Variants in LPIN1 observed in about 807,000 individuals in gnomAD.
The protein encoded by LPIN1 is phosphatidate phosphatase LPIN1.
In LPIN1, 71 loss-of-function variants were observed where a neutral mutation model predicts 107.5. The ratio of observed to expected loss-of-function variants is 0.66; its 90% confidence interval spans 0.55 to 0.80. The LOEUF is 0.80. Among genes scored for constraint, LPIN1 ranks in the 30% least tolerant of loss-of-function variants. The pLI is 0.00. For missense variants in LPIN1, 1,043 were observed against 1,160.6 expected, an observed-to-expected ratio of 0.90 and a Z score of 1.47; for synonymous variants, 445 against 452.6, an observed-to-expected ratio of 0.98 and a Z score of 0.21.
At chr2:11,816,695 T>G (rs1680632321) in intron 18 of LPIN1, 2 of 151,472 alleles carry the variant, frequency 1.3e-5, no homozygotes, top group Admixed American at 1.3e-4. Flanking sequence ...TCCTGTGGAG[T>G]TCTCTAGAAT....
rs754899623 is a variant in LPIN1 at position 11,771,555 on chromosome 2, A to C, written c.472A>C (p.Arg158=). ...SSSVVKKRRK[R]RRKSQLDSLK... is the part of the protein sequence containing the mutation. ...CTCTGTAGTAAAGAAGAGAAGAAAA[A>C]GGAGGAGAAAGTCACAGCTGGACAG... Residue 158 remains arginine (R), a synonymous_variant, in exon 4 of 21, where the codon AGG becomes CGG. Coordinates refer to ENST00000674199, the MANE Select transcript of LPIN1 (RefSeq NM_001349206.2). This position sits in a 1 kb window ranked among gnomAD's most constrained non-coding sequence, Gnocchi z 4.8. 2 of 1,613,948 alleles carry C rather than the reference A, an allele frequency of 1.2e-6. No homozygotes were observed. The highest frequency in any genetic ancestry group is 1.7e-6 in the Non-Finnish European group (2 of 1,179,980).
In LPIN1 at chr2:11,786,949, G is replaced by T; in HGVS notation, c.1550-125G>T. 1.4e-6 allele frequency: 1 copy of T among 734,926 alleles called. No homozygotes were observed. The highest frequency in any genetic ancestry group is 2.5e-6 in the Non-Finnish European group (1 of 402,520). The allele number at this position is 734,926 out of a possible 1,614,324, so 45.5% of individuals were successfully genotyped here. A position where few individuals can be genotyped will look rare whatever the true frequency, so the allele number is the denominator to read the frequency against. Reference sequence around the variant, plus strand: ...CTTTACAAATACATTTTATAGGATTGTCTGCACAGTTGGAATGCACAAACT... The same window carrying T: ...CTTTACAAATACATTTTATAGGATTTTCTGCACAGTTGGAATGCACAAACT... On this transcript the variant is annotated intron_variant, in intron 10 of 20. Transcript: ENST00000674199. The surrounding 1 kb of genome is among the most constrained non-coding windows in gnomAD (Gnocchi z 4.1).
At position 11,826,263 on chromosome 2, in the gene LPIN1, A is replaced by G. The variant is rs1404916763; in HGVS notation, c.*1472A>G. The G allele has an allele frequency of 6.6e-6, 1 of 152,642 alleles. No homozygotes were observed. Among genetic ancestry groups the G allele is most frequent in the East Asian group, 1.9e-4 (1 of 5,194 alleles). The allele number at this position is 152,642 out of a possible 1,614,324, so 9.5% of individuals were successfully genotyped here. A position where few individuals can be genotyped will look rare whatever the true frequency, so the allele number is the denominator to read the frequency against. On this transcript the variant is annotated 3_prime_UTR_variant, in exon 21 of 21. Coordinates refer to ENST00000674199, the MANE Select transcript of LPIN1 (RefSeq NM_001349206.2). ...ACTCTTTCTGTGAAAGAAAATCCACAGAGTTGTTGCCTCCGTTGTAGTTGG... is the reference window on the plus strand; with the variant it reads ...ACTCTTTCTGTGAAAGAAAATCCACGGAGTTGTTGCCTCCGTTGTAGTTGG...
rs190956686 is a variant in LPIN1 at position 11,763,555 on chromosome 2, G to A, written c.-9-1978G>A. On this transcript the variant is annotated intron_variant, in intron 1 of 20. Transcript: ENST00000674199. ...CTCCTTTCCAGGCGGGGAAGGAATCGTTTCTCTCCTAGTCTTCCTGCCGTC... is the reference window on the plus strand; with the variant it reads ...CTCCTTTCCAGGCGGGGAAGGAATCATTTCTCTCCTAGTCTTCCTGCCGTC... Among the ~76,000 whole-genome samples the A allele has an allele frequency of 3.9e-5, 6 of 152,184 alleles. No homozygotes were observed. In the East Asian group the frequency reaches 9.7e-4, roughly 25 times the overall value.
Position 11,785,031 on chromosome 2 carries a change from A to G in LPIN1, c.1504A>G (p.Ile502Val), listed in dbSNP as rs1674286487. ...DGLRDLPSIA[I>V]SLCGGLSDHR... ...GCTGAGGGACCTCCCTTCCATCGCC[A>G]TCTCCCTCTGCGGGGGCCTCAGCGA... The change falls in exon 10 of 21, where the codon ATC (isoleucine) becomes GTC (valine). Residue 502 changes from isoleucine to valine, a missense_variant. Ile to Val is a conservative substitution (Grantham distance 29). Transcript: ENST00000674199. The G allele has an allele frequency of 6.2e-7, 1 of 1,606,474 alleles. No individual in the cohort carries two copies. The highest frequency in any genetic ancestry group is 1.1e-5 in the South Asian group (1 of 90,580).
At chr2:11,693,583 A>G (rs1214359785) in intron 1 of LPIN1, among the ~76,000 whole-genome samples, 1 of 151,712 alleles carries the variant, frequency 6.6e-6, no homozygotes, top group African/African-American at 2.4e-5. Flanking sequence ...ATCTGAAACT[A>G]TCCCTACCAT....
intron 1 of LPIN1, among the ~76,000 whole-genome samples, chr2:11,750,951 G>A (rs1375439182): frequency 1.3e-5 from 2 of 152,242 alleles, no homozygotes; most frequent in Non-Finnish European, 2.9e-5. Context: ...GCTCTTGAAA[G>A]TGCGTAGAGA....
At chr2:11,726,644 CAT>C (rs1366103505) in intron 1 of LPIN1, among the ~76,000 whole-genome samples, 5 of 152,144 alleles carry the variant, frequency 3.3e-5, no homozygotes, top group African/African-American at 1.2e-4. Flanking sequence ...CTTTAGCAAT[CAT>C]GTGATAGTAG....
At chr2:11,704,424 A>T (rs754276852) in intron 1 of LPIN1, among the ~76,000 whole-genome samples, 2 of 152,082 alleles carry the variant, frequency 1.3e-5, no homozygotes, top group Non-Finnish European at 2.9e-5. Context: ...GCACATCACC[A>T]CCCTGGATTG....
intron 12 of LPIN1, among the ~76,000 whole-genome samples, chr2:11,791,121 CAGAT>C (rs1266549945): frequency 1.3e-5 from 2 of 152,248 alleles, no homozygotes; most frequent in South Asian, 4.1e-4. Flanking sequence ...TCTTTTGTGT[CAGAT>C]AGGGATCTTT....
In LPIN1 at chr2:11,686,667, G is replaced by A. The variant is rs553698939; in HGVS notation, c.81+8939G>A. Among the ~76,000 whole-genome samples the A allele has an allele frequency of 4.2e-4, 64 of 152,232 alleles. 2 individuals carry two copies. In the South Asian group the frequency reaches 9.3e-3, roughly 22 times the overall value. On this transcript the variant is annotated intron_variant, in intron 1 of 21. Transcript: ENST00000449576. ...GGAAAGAGCACTCTCCTTCTCATGC[G>A]AGCGAGCAACGAGATGCCTGTGGCT...
chr2:11,798,788 A>AG (rs1434599680), intron 14 of LPIN1, among the ~76,000 whole-genome samples: 1 of 152,154 alleles, frequency 6.6e-6, no homozygotes, highest in Non-Finnish European at 1.5e-5. Context: ...AAAAAAAAAA[A>AG]AGGTGTCAGA....
intron 18 of LPIN1, among the ~76,000 whole-genome samples, chr2:11,815,956 A>G (rs933558434): frequency 1.3e-5 from 2 of 152,174 alleles, no homozygotes; most frequent in Non-Finnish European, 2.9e-5. Context: ...TCTCAAAGCA[A>G]AAGCTATTGT....
rs1674601176 is a variant in LPIN1, at chr2:11,786,482, T to C, written c.1550-592T>C. Among the ~76,000 whole-genome samples the C allele has an allele frequency of 6.6e-6, 1 of 152,074 alleles. No individual in the cohort carries two copies. Among genetic ancestry groups the C allele is most frequent in the Non-Finnish European group, 1.5e-5 (1 of 67,996 alleles). On this transcript the variant is annotated intron_variant, in intron 10 of 20. Coordinates refer to ENST00000674199, the MANE Select transcript of LPIN1 (RefSeq NM_001349206.2). This position sits in a 1 kb window ranked among gnomAD's most constrained non-coding sequence, Gnocchi z 4.1. ...GTCTGGGCCTCCTGACCCTGCCACCTTCTCCTTTGCTCTGATCCTGGTGGG... is the reference window on the plus strand; with the variant it reads ...GTCTGGGCCTCCTGACCCTGCCACCCTCTCCTTTGCTCTGATCCTGGTGGG...
At chr2:11,749,083 A>G (rs1410907638) in intron 1 of LPIN1, among the ~76,000 whole-genome samples, 1 of 152,158 alleles carries the variant, frequency 6.6e-6, no homozygotes, top group Non-Finnish European at 1.5e-5. Flanking sequence ...ACCCTGGACC[A>G]ATGTATTGTA....
chr2:11,788,501 G>T, intron 12 of LPIN1, 45 bp downstream of exon 12: 1 of 1,424,864 alleles, frequency 7.0e-7, no homozygotes, highest in Non-Finnish European at 9.9e-7. Context: ...AGAAATGATG[G>T]GTAGCTTAAT....
intron 1 of LPIN1, among the ~76,000 whole-genome samples, chr2:11,749,864 G>T (rs538450959): frequency 2.0e-5 from 3 of 152,236 alleles, no homozygotes; most frequent in Non-Finnish European, 4.4e-5. Context: ...ACCAAATGTT[G>T]TGATTCTTGC....
At position 11,814,816 on chromosome 2, in the gene LPIN1, T is replaced by C. The variant is rs79161028; in HGVS notation, c.2250-272T>C. ...TCATCCATCTGAACCTCAGTTTCCA[T>C]AGCAGTAAAACCAGGGGAAAATACT... On this transcript the variant is annotated intron_variant, in intron 17 of 20. Coordinates refer to ENST00000674199, the MANE Select transcript of LPIN1 (RefSeq NM_001349206.2). Among the ~76,000 whole-genome samples the C allele has an allele frequency of 0.086, 13,027 of 152,050 alleles. 635 individuals are homozygous for C. Among genetic ancestry groups the C allele is most frequent in the Middle Eastern group, 0.12 (35 of 294 alleles).
At chr2:11,824,153 C>T (rs1305100713) in intron 20 of LPIN1, among the ~76,000 whole-genome samples, 1 of 152,062 alleles carries the variant, frequency 6.6e-6, no homozygotes, top group East Asian at 1.9e-4. Context: ...CCCACGATCA[C>T]GCAGCTAGTA....
Sources: gnomAD v4.1 joint callset for allele counts (sites outside exome capture counted in the v4.1 genomes callset) on GRCh38, gnomAD v4.1.1 for gene constraint, Gnocchi (gnomAD v3.1) non-coding constraint, MANE v1.5 for transcripts, NCBI Gene and HGNC (gene_info 2026-07-23, HGNC 2026-07-21) for gene names.